Variants in KCNH1 observed in about 807,000 individuals in gnomAD.
KCNH1 encodes the protein voltage-gated delayed rectifier potassium channel KCNH1.
A neutral mutation model predicts 69.2 loss-of-function variants in KCNH1; 27 were observed. The observed-to-expected ratio is 0.39, with a 90% CI of 0.29 to 0.54. The LOEUF (loss-of-function observed/expected upper bound fraction) is 0.54. Among genes scored for constraint, KCNH1 ranks in the 20% least tolerant of loss-of-function variants. KCNH1 has a pLI of 0.68. For missense variants in KCNH1, 798 were observed against 1,261.6 expected, an observed-to-expected ratio of 0.63 and a Z score of 5.57; for synonymous variants, 456 against 487.7, an observed-to-expected ratio of 0.93 and a Z score of 0.86.
intron 6 of KCNH1, among the ~76,000 whole-genome samples, chr1:210,996,171 G>T (rs12122248): frequency 6.6e-6 from 1 of 152,118 alleles, no homozygotes; most frequent in Non-Finnish European, 1.5e-5. Context: ...TGCACGAGCC[G>T]AAGCAGGGTG....
Sources: allele counts gnomAD v4.1 joint callset (sites outside exome capture counted in the v4.1 genomes callset), GRCh38; gene constraint gnomAD v4.1.1; transcripts MANE v1.5; gene names NCBI Gene and HGNC (gene_info 2026-07-23, HGNC 2026-07-21).